Variants in NEK5 observed in about 807,000 individuals in gnomAD.
NEK5 encodes NIMA related kinase 5, also known as serine/threonine-protein kinase Nek5.
Under a neutral mutation model 109.2 loss-of-function variants are expected in NEK5, and 88 were observed. That is an observed-to-expected ratio of 0.81 (90% confidence interval 0.68 to 0.96). The LOEUF (loss-of-function observed/expected upper bound fraction) is 0.96, where lower values mean the gene tolerates loss of function less well. Ranked by LOEUF, NEK5 falls within the 40% of genes least tolerant of loss-of-function variation. NEK5 has a pLI of 0.00. For synonymous variants in NEK5, 283 were observed against 299.9 expected (o/e 0.94, Z 0.58); for missense variants, 834 against 920.7 (o/e 0.91, Z 1.22).
At chr13:52,101,345 A>G (rs1955526020) in intron 11 of NEK5, among the ~76,000 whole-genome samples, 1 of 152,024 alleles carries the variant, frequency 6.6e-6, no homozygotes, top group Non-Finnish European at 1.5e-5. Context: ...GTTTGCAGTG[A>G]GCAGAGATCG....
intron 12 of NEK5, among the ~76,000 whole-genome samples, chr13:52,097,338 G>A (rs556094216): frequency 1.1e-4 from 17 of 152,294 alleles, no homozygotes; most frequent in East Asian, 1.9e-4. Context: ...CTTGCACCAC[G>A]CACCTGGAAA....
intron 18 of NEK5, 84 bp downstream of exon 18, chr13:52,075,979 A>G (rs1954861202): frequency 2.1e-6 from 2 of 966,602 alleles, no homozygotes; most frequent in Admixed American, 2.4e-5. Context: ...TACTAGGGGG[A>G]AAATCATGCA....
intron 3 of NEK5, among the ~76,000 whole-genome samples, chr13:52,120,405 GACAA>G (rs1239567659): frequency 2.6e-5 from 4 of 151,392 alleles, no homozygotes; most frequent in South Asian, 2.1e-4. Flanking sequence ...AAAATTAAAA[GACAA>G]ACAAAAGGAT....
chr13:52,042,514 G>A (rs942836269), intron 23 of NEK5, among the ~76,000 whole-genome samples: 1 of 151,678 alleles, frequency 6.6e-6, no homozygotes, highest in Non-Finnish European at 1.5e-5. Context: ...AAGAAACAAT[G>A]TTGATAATTG....
intron 22 of NEK5, among the ~76,000 whole-genome samples, chr13:52,055,851 A>T (rs768542317): frequency 3.3e-5 from 5 of 152,194 alleles, no homozygotes; most frequent in Admixed American, 3.3e-4. Context: ...TCATGCCAAA[A>T]TGTAAAGACC....
intron 11 of NEK5, 35 bp from the exon 12 acceptor site, chr13:52,099,911 T>A (rs1351666689): frequency 1.3e-6 from 2 of 1,538,550 alleles, no homozygotes; most frequent in African/African-American, 1.4e-5. Flanking sequence ...TTCAATTTTT[T>A]AAAAATTGTA....
chr13:52,076,291 C>A, intron 17 of NEK5, 148 bp from the exon 18 acceptor site: 1 of 533,516 alleles, frequency 1.9e-6, no homozygotes, highest in South Asian at 2.4e-5. Context: ...GGCAGAGTAT[C>A]CATTAACTTG....
At chr13:52,084,365 T>A (rs1019118794) in intron 16 of NEK5, among the ~76,000 whole-genome samples, 1 of 151,952 alleles carries the variant, frequency 6.6e-6, no homozygotes, top group Non-Finnish European at 1.5e-5. Flanking sequence ...CTACAAGCAT[T>A]TGCCACCATG....
intron 22 of NEK5, among the ~76,000 whole-genome samples, chr13:52,051,467 A>G (rs915642778): frequency 6.6e-6 from 1 of 152,154 alleles, no homozygotes; most frequent in Non-Finnish European, 1.5e-5. Context: ...GTGGAGTACA[A>G]AGAGTCATGG....
At chr13:52,053,103 C>A (rs1462523905) in intron 22 of NEK5, among the ~76,000 whole-genome samples, 1 of 152,042 alleles carries the variant, frequency 6.6e-6, no homozygotes, top group Non-Finnish European at 1.5e-5. Context: ...GAGTTCAAAA[C>A]CAGCCTGGCC....
intron 4 of NEK5, among the ~76,000 whole-genome samples, chr13:52,115,756 C>T (rs1488602961): frequency 1.3e-5 from 2 of 152,048 alleles, no homozygotes; most frequent in African/African-American, 2.4e-5. Context: ...TTTCCATCTG[C>T]TGTAAAGCTC....
rs1235767315 is a variant in NEK5 at position 52,110,301 on chromosome 13, A to C, written c.467+39T>G. On this transcript the variant is annotated intron_variant, in intron 7 of 23. Transcript: ENST00000684899. ...ATATCTAAAAATACATATTTGGGCTATTTTGACTAGAAAGAAAAATTATTT... is the reference window on the plus strand; with the variant it reads ...ATATCTAAAAATACATATTTGGGCTCTTTTGACTAGAAAGAAAAATTATTT... 4.5e-6 allele frequency: 6 copies of C among 1,345,484 alleles called. No individual in the cohort carries two copies. In the South Asian group the frequency reaches 7.2e-5, roughly 16 times the overall value. 83.3% of individuals were successfully genotyped at this position (1,345,484 alleles called of 1,614,324 possible).
intron 17 of NEK5, chr13:52,082,455 AT>A: frequency 1.9e-6 from 1 of 531,236 alleles, no homozygotes; most frequent in Non-Finnish European, 2.6e-6. Context: ...TTATGTAATT[AT>A]TTTATGTAAC....
intron 19 of NEK5, among the ~76,000 whole-genome samples, chr13:52,074,369 T>C (rs1337079776): frequency 6.6e-6 from 1 of 151,960 alleles, no homozygotes; most frequent in Non-Finnish European, 1.5e-5. Flanking sequence ...TCGACAAAAA[T>C]AAGCAATGGG....
intron 17 of NEK5, among the ~76,000 whole-genome samples, chr13:52,080,141 C>T (rs548819938): frequency 6.6e-5 from 10 of 151,530 alleles, no homozygotes; most frequent in East Asian, 3.9e-4. Context: ...CGTCTCCGCC[C>T]GGCAGCCACC....
intron 17 of NEK5, among the ~76,000 whole-genome samples, chr13:52,081,318 G>C (rs1473477827): frequency 6.6e-6 from 1 of 152,154 alleles, no homozygotes; most frequent in Non-Finnish European, 1.5e-5. Flanking sequence ...AAAGGTATCT[G>C]CTGCTGGATT....
rs1425388253 is a variant in NEK5, at chr13:52,035,953, T to C, written c.*995A>G. 1 of 151,846 alleles carries C rather than the reference T, an allele frequency of 6.6e-6. No homozygotes were observed. The highest frequency in any genetic ancestry group is 1.5e-5 in the Non-Finnish European group (1 of 67,980). 9.4% of individuals were successfully genotyped at this position (151,846 alleles called of 1,614,324 possible). A position where few individuals can be genotyped will look rare whatever the true frequency, so the allele number is the denominator to read the frequency against. On this transcript the variant is annotated 3_prime_UTR_variant, in exon 24 of 24. Transcript: ENST00000684899. Reference sequence around the variant, plus strand: ...TGAGTGAACCTGTATATTGTATTTGTTTTCTATTGCTGTCCTAACAAATTA... The same window carrying C: ...TGAGTGAACCTGTATATTGTATTTGCTTTCTATTGCTGTCCTAACAAATTA...
intron 20 of NEK5, among the ~76,000 whole-genome samples, chr13:52,069,886 C>G (rs186635816): frequency 2.0e-5 from 3 of 152,288 alleles, no homozygotes; most frequent in East Asian, 3.9e-4. Context: ...GACTCTCCAC[C>G]CAGCTCGCAC....
At chr13:52,057,721 T>A (rs1201987178) in intron 22 of NEK5, among the ~76,000 whole-genome samples, 1 of 151,892 alleles carries the variant, frequency 6.6e-6, no homozygotes, top group Admixed American at 6.6e-5. Context: ...TCTCAATAGA[T>A]GCAGAAAAGG....
Sources: gnomAD v4.1 joint callset for allele counts (sites outside exome capture counted in the v4.1 genomes callset) on GRCh38, gnomAD v4.1.1 for gene constraint, MANE v1.5 for transcripts, NCBI Gene and HGNC (gene_info 2026-07-23, HGNC 2026-07-21) for gene names.